Variants in TMEM178B observed in about 807,000 individuals in gnomAD.
The protein encoded by TMEM178B is transmembrane protein 178B.
A neutral mutation model predicts 31.0 loss-of-function variants in TMEM178B; 5 were observed. The observed-to-expected ratio is 0.16, with a 90% CI of 0.08 to 0.34. TMEM178B has a LOEUF of 0.34. Ranked by LOEUF, TMEM178B falls within the 10% of genes least tolerant of loss-of-function variation. The probability of loss-of-function intolerance (pLI) is 1.00; values close to 1 mark genes in which losing one functional copy is unlikely to be tolerated. For missense variants in TMEM178B, 275 were observed against 400.3 expected, an observed-to-expected ratio of 0.69 and a Z score of 2.67; for synonymous variants, 164 against 164.0, an observed-to-expected ratio of 1.00 and a Z score of 0.00.
chr7:141,236,995 G>A (rs992348313), intron 2 of TMEM178B, among the ~76,000 whole-genome samples: 5 of 152,214 alleles, frequency 3.3e-5, no homozygotes, highest in Non-Finnish European at 7.3e-5. Flanking sequence ...ATGTGAACAG[G>A]TTGCAAAGAG....
At chr7:141,217,718 G>A (rs1797182486) in intron 2 of TMEM178B, among the ~76,000 whole-genome samples, 1 of 152,092 alleles carries the variant, frequency 6.6e-6, no homozygotes, top group South Asian at 2.1e-4. Context: ...GAGCCTCTGT[G>A]GGCAGCTGTT....
chr7:141,449,722 C>T (rs546865904), intron 3 of TMEM178B, among the ~76,000 whole-genome samples: 12 of 152,274 alleles, frequency 7.9e-5, no homozygotes, highest in East Asian at 3.9e-4. Context: ...AGCAAGGACT[C>T]GGCAGCAGCC....
At chr7:141,178,626 G>A (rs1484383125) in intron 1 of TMEM178B, among the ~76,000 whole-genome samples, 1 of 152,134 alleles carries the variant, frequency 6.6e-6, no homozygotes, top group African/African-American at 2.4e-5. Context: ...TTGGTGATAC[G>A]CTGTCATCAT....
chr7:141,427,355 A>T (rs2116662326), intron 2 of TMEM178B, among the ~76,000 whole-genome samples: 1 of 152,354 alleles, frequency 6.6e-6, no homozygotes, highest in Admixed American at 6.5e-5. Flanking sequence ...GTACTGGCAT[A>T]AAAACAGACC....
chr7:141,231,372 A>G (rs770059542), intron 2 of TMEM178B, among the ~76,000 whole-genome samples: 2 of 152,150 alleles, frequency 1.3e-5, no homozygotes, highest in Non-Finnish European at 2.9e-5. Flanking sequence ...ACATTTTGCA[A>G]TTTGTACAAA....
chr7:141,273,771 T>C (rs959192488), intron 2 of TMEM178B, among the ~76,000 whole-genome samples: 4 of 152,256 alleles, frequency 2.6e-5, no homozygotes, highest in Non-Finnish European at 5.9e-5. Context: ...ATACAGGCAC[T>C]AGCAATGCCC....
At position 141,479,621 on chromosome 7, in the gene TMEM178B, T is replaced by C. The variant is rs547442528; in HGVS notation, c.*8835T>C. ...GGTCAGTATAACAAGGTTTGATTGA[T>C]TTAAAATATAACATTCTGAGCCCTG... On this transcript the variant is annotated 3_prime_UTR_variant, in exon 4 of 4. Transcript: ENST00000565468. 1 of 152,328 alleles carries C rather than the reference T, an allele frequency of 6.6e-6. No individual in the cohort carries two copies. The highest frequency in any genetic ancestry group is 2.4e-5 in the African/African-American group (1 of 41,574). The allele number at this position is 152,328 out of a possible 1,614,324, so 9.4% of individuals were successfully genotyped here.
chr7:141,257,140 C>G (rs1354835808), intron 2 of TMEM178B, among the ~76,000 whole-genome samples: 1 of 152,176 alleles, frequency 6.6e-6, no homozygotes, highest in African/African-American at 2.4e-5. Context: ...TGGAAGGAAA[C>G]CCAAGAGATT....
chr7:141,441,498 G>A (rs1801657059), intron 3 of TMEM178B, among the ~76,000 whole-genome samples: 2 of 152,200 alleles, frequency 1.3e-5, no homozygotes, highest in South Asian at 4.1e-4. Context: ...CCCAGGCTCA[G>A]GTTGCAGGCA....
chr7:141,095,956 G>A (rs927864368), intron 1 of TMEM178B, among the ~76,000 whole-genome samples: 2 of 152,162 alleles, frequency 1.3e-5, no homozygotes, highest in African/African-American at 4.8e-5. Flanking sequence ...CATAGGAGTG[G>A]CCAGGTGGGT....
At position 141,391,049 on chromosome 7, in the gene TMEM178B, C is replaced by T. The variant is rs374058389; in HGVS notation, c.497-46559C>T. 6.6e-5 allele frequency among the ~76,000 whole-genome samples: 10 copies of T among 152,254 alleles called. 2 individuals are homozygous for T. The highest frequency in any genetic ancestry group is 3.9e-4 in the East Asian group (2 of 5,184). ...GGAAAGGAAGAGAGAGTTCAGAGGG[C>T]AGGGCTAGAGATGGTGAAGTGGCCA... is the stretch of plus-strand genomic sequence containing the variant. On this transcript the variant is annotated intron_variant, in intron 2 of 3. Coordinates refer to ENST00000565468, the MANE Select transcript of TMEM178B (RefSeq NM_001195278.2).
chr7:141,413,887 T>TA lies in TMEM178B; in HGVS notation c.497-23713dup, dbSNP rs5888004. Among the ~76,000 whole-genome samples the TA allele has an allele frequency of 4.2e-3, 645 of 152,064 alleles. 4 individuals carry two copies. The highest frequency in any genetic ancestry group is 0.015 in the African/African-American group (604 of 41,500). On this transcript the variant is annotated intron_variant, in intron 2 of 3. Transcript: ENST00000565468. ...AACCACAGAAAACGATAAAGAGGAA[T>TA]AAAAAAAATCATTGAAAATTCTCTT...
At chr7:141,168,305 G>T (rs1233988307) in intron 1 of TMEM178B, among the ~76,000 whole-genome samples, 1 of 152,124 alleles carries the variant, frequency 6.6e-6, no homozygotes, top group African/African-American at 2.4e-5. Context: ...AAACTTCATG[G>T]CATCTCCTTC....
chr7:141,508,056 T>C, the TMEM178B span, among the ~76,000 whole-genome samples: 1 of 152,172 alleles, frequency 6.6e-6, no homozygotes, highest in Non-Finnish European at 1.5e-5. Flanking sequence ...TATCACTTAG[T>C]CAGGCTGCAA....
Position 141,278,916 on chromosome 7 carries a change from A to G in TMEM178B, c.496+66212A>G, listed in dbSNP as rs548845628. ...AGGCAGGCAGAATTGGGACCCAAGT[A>G]AGGAAAATCCTTTATCACCATTAGA... On this transcript the variant is annotated intron_variant, in intron 2 of 3. Transcript: ENST00000565468. Among the ~76,000 whole-genome samples the G allele has an allele frequency of 1.9e-3, 285 of 152,356 alleles. 3 individuals are homozygous for G. The highest frequency in any genetic ancestry group is 6.4e-3 in the African/African-American group (265 of 41,586).
At chr7:141,485,613 T>C in the TMEM178B span, among the ~76,000 whole-genome samples, 6 of 152,238 alleles carry the variant, frequency 3.9e-5, no homozygotes, top group Non-Finnish European at 8.8e-5. Context: ...GTGATGTGAC[T>C]CTGCAGCTGC....
At chr7:141,430,311 G>A (rs536254396) in intron 2 of TMEM178B, 4 of 152,324 alleles carry the variant, frequency 2.6e-5, no homozygotes, top group South Asian at 2.1e-4. Flanking sequence ...TGGCAAATTC[G>A]GGGGATGTAG....
In TMEM178B at chr7:141,379,432, C is replaced by G. The variant is rs147046161; in HGVS notation, c.497-58176C>G. 6.2e-3 allele frequency among the ~76,000 whole-genome samples: 937 copies of G among 152,290 alleles called. 9 individuals are homozygous for G. The highest frequency in any genetic ancestry group is 0.034 in the South Asian group (163 of 4,824). On this transcript the variant is annotated intron_variant, in intron 2 of 3. Coordinates refer to ENST00000565468, the MANE Select transcript of TMEM178B (RefSeq NM_001195278.2). Reference sequence around the variant, plus strand: ...CTCAGGAGGCCGAAGCCGCAGTGAGCCATGATCATGCCATTACATTCCATC... The same window carrying G: ...CTCAGGAGGCCGAAGCCGCAGTGAGGCATGATCATGCCATTACATTCCATC...
At chr7:141,505,845 G>C in the TMEM178B span, among the ~76,000 whole-genome samples, 1 of 152,210 alleles carries the variant, frequency 6.6e-6, no homozygotes, top group Non-Finnish European at 1.5e-5. Context: ...CTTTATCTCT[G>C]TAGTTTCTCT....
Sources: gnomAD v4.1 joint callset for allele counts (sites outside exome capture counted in the v4.1 genomes callset) on GRCh38, gnomAD v4.1.1 for gene constraint, MANE v1.5 for transcripts, NCBI Gene and HGNC (gene_info 2026-07-23, HGNC 2026-07-21) for gene names.